Variants in AGBL4 observed in about 807,000 individuals in gnomAD.
The protein encoded by AGBL4 is AGBL carboxypeptidase 4, also known as cytosolic carboxypeptidase 6.
In AGBL4, 58 loss-of-function variants were observed where a neutral mutation model predicts 66.4. The observed-to-expected ratio is 0.87, with a 90% confidence interval of 0.71 to 1.09. The LOEUF is 1.09. Ranked by LOEUF, AGBL4 falls within the 50% of genes least tolerant of loss-of-function variation. The probability of loss-of-function intolerance (pLI) is 0.00; values close to 1 mark genes in which losing one functional copy is unlikely to be tolerated. For synonymous variants in AGBL4, 234 were observed against 222.9 expected, an observed-to-expected ratio of 1.05 and a Z score of -0.44; for missense variants, 579 against 631.0, an observed-to-expected ratio of 0.92 and a Z score of 0.88.
chr1:49,873,334 T>G (rs1557532811), intron 1 of AGBL4, among the ~76,000 whole-genome samples: 1 of 152,024 alleles, frequency 6.6e-6, no homozygotes, highest in African/African-American at 2.4e-5. Flanking sequence ...AGACAAAATC[T>G]GATACCAGAG....
At chr1:49,990,224 A>G (rs779804367) in intron 1 of AGBL4, among the ~76,000 whole-genome samples, 1 of 152,208 alleles carries the variant, frequency 6.6e-6, no homozygotes, top group Non-Finnish European at 1.5e-5. Flanking sequence ...TGTTTTTCAC[A>G]TTTAATATGG....
intron 1 of AGBL4, among the ~76,000 whole-genome samples, chr1:49,881,349 G>A (rs915933757): frequency 7.2e-5 from 11 of 152,098 alleles, no homozygotes; most frequent in African/African-American, 1.5e-4. Flanking sequence ...CCATACATAC[G>A]TGTGCATCTG....
chr1:48,677,446 G>A (rs1239806144), intron 6 of AGBL4, among the ~76,000 whole-genome samples: 1 of 152,102 alleles, frequency 6.6e-6, no homozygotes, highest in East Asian at 1.9e-4. Flanking sequence ...GCTCCTAGGA[G>A]GGTAGGAGAA....
At chr1:49,497,420 A>G (rs75884984) in intron 3 of AGBL4, among the ~76,000 whole-genome samples, 1 of 152,022 alleles carries the variant, frequency 6.6e-6, no homozygotes, top group East Asian at 1.9e-4. Context: ...TTTTGGGGTC[A>G]TATCCAAAAA....
In AGBL4 at chr1:49,111,200, G is replaced by A. The variant is rs1010433985; in HGVS notation, c.378-65400C>T. Among the ~76,000 whole-genome samples, 8 of 148,040 alleles carry A rather than the reference G, an allele frequency of 5.4e-5. No individual in the cohort carries two copies. The South Asian group carries it at 6.3e-4, about 12-fold the overall frequency. Reference sequence around the variant, plus strand: ...GTGATCTCGCCTCACTGCAAGTTTCGCCTCCCAGGTTCACGCCATTCTCCT... The same window carrying A: ...GTGATCTCGCCTCACTGCAAGTTTCACCTCCCAGGTTCACGCCATTCTCCT... On this transcript the variant is annotated intron_variant, in intron 4 of 13. Transcript: ENST00000371839.
At chr1:49,404,295 A>G (rs1645149699) in intron 3 of AGBL4, among the ~76,000 whole-genome samples, 1 of 152,234 alleles carries the variant, frequency 6.6e-6, no homozygotes, top group African/African-American at 2.4e-5. Context: ...GAGAACACAC[A>G]CACAGGAAAG....
At chr1:49,921,158 G>A (rs1652193779) in intron 1 of AGBL4, among the ~76,000 whole-genome samples, 1 of 152,064 alleles carries the variant, frequency 6.6e-6, no homozygotes, top group Non-Finnish European at 1.5e-5. Context: ...GTTAATGGGT[G>A]CAGCACACCA....
chr1:49,459,388 G>A (rs1646461527), intron 3 of AGBL4, among the ~76,000 whole-genome samples: 1 of 151,616 alleles, frequency 6.6e-6, no homozygotes, highest in Non-Finnish European at 1.5e-5. Flanking sequence ...TAGTTTATGT[G>A]CATAAAAGTG....
chr1:49,957,519 C>T (rs4486490), intron 1 of AGBL4, among the ~76,000 whole-genome samples: 46,905 of 150,560 alleles, frequency 0.31, 7,812 homozygotes, highest in East Asian at 0.71. Flanking sequence ...TCTCTAAGGA[C>T]TTGCTTTATG....
At chr1:49,232,880 T>C (rs920135153) in intron 4 of AGBL4, among the ~76,000 whole-genome samples, 3 of 151,298 alleles carry the variant, frequency 2.0e-5, no homozygotes, top group Non-Finnish European at 4.4e-5. Context: ...GAAAAAGCAC[T>C]CAAGCCACTA....
intron 11 of AGBL4, among the ~76,000 whole-genome samples, chr1:48,582,535 C>A (rs1225084376): frequency 6.6e-6 from 1 of 152,120 alleles, no homozygotes; most frequent in Non-Finnish European, 1.5e-5. Flanking sequence ...TTGCTAGTTC[C>A]AAAGCCAGAT....
chr1:48,543,293 C>T (rs997581392), intron 11 of AGBL4, among the ~76,000 whole-genome samples: 4 of 151,880 alleles, frequency 2.6e-5, no homozygotes, highest in Non-Finnish European at 5.9e-5. Flanking sequence ...TGGAGAAGGA[C>T]CATTCTCAGC....
At chr1:49,601,845 T>C (rs1644965387) in intron 3 of AGBL4, among the ~76,000 whole-genome samples, 1 of 151,936 alleles carries the variant, frequency 6.6e-6, no homozygotes, top group Non-Finnish European at 1.5e-5. Context: ...AAGCCAAAAT[T>C]GACAAATGGG....
chr1:49,504,103 G>C (rs565489133), intron 3 of AGBL4, among the ~76,000 whole-genome samples: 1 of 152,166 alleles, frequency 6.6e-6, no homozygotes, highest in African/African-American at 2.4e-5. Context: ...TATGGGGGCG[G>C]TTTCCCCCAT....
chr1:49,573,264 A>G (rs904173768), intron 3 of AGBL4, among the ~76,000 whole-genome samples: 1 of 151,946 alleles, frequency 6.6e-6, no homozygotes, highest in African/African-American at 2.4e-5. Context: ...CTAGAGGAAC[A>G]GAATATTAAG....
intron 3 of AGBL4, among the ~76,000 whole-genome samples, chr1:49,396,273 A>G (rs935646889): frequency 1.3e-5 from 2 of 151,520 alleles, no homozygotes; most frequent in African/African-American, 2.4e-5. Flanking sequence ...GGAAATACGC[A>G]AACATCCCTG....
chr1:48,554,605 A>AT lies in AGBL4; in HGVS notation c.1268-14868dup, dbSNP rs565282641. ...ACCCTCATGGTTCTAACATTTTATG[A>AT]TTTTTTTTTTCTGCTGTGATGTTAC... is the stretch of plus-strand genomic sequence containing the variant. On this transcript the variant is annotated intron_variant, in intron 11 of 13. Coordinates refer to ENST00000371839, the MANE Select transcript of AGBL4 (RefSeq NM_032785.4). Among the ~76,000 whole-genome samples, 63 of 150,240 alleles carry AT rather than the reference A, an allele frequency of 4.2e-4. No individual in the cohort carries two copies. The South Asian group carries it at 8.0e-3, about 19-fold the overall frequency.
At chr1:49,948,309 T>TATATAAAAATATATATAA (rs1655646809) in intron 1 of AGBL4, among the ~76,000 whole-genome samples, 1 of 108,200 alleles carries the variant, frequency 9.2e-6, no homozygotes, top group African/African-American at 3.9e-5. Context: ...TATATATAAA[T>TATATAAAAATATATATAA]ATATATATAA....
intron 3 of AGBL4, among the ~76,000 whole-genome samples, chr1:49,351,812 C>A (rs1643914494): frequency 6.6e-6 from 1 of 152,152 alleles, no homozygotes; most frequent in African/African-American, 2.4e-5. Flanking sequence ...CAAGTTATTT[C>A]TTCTGCCTGA....
Sources: gnomAD v4.1 joint callset for allele counts (sites outside exome capture counted in the v4.1 genomes callset) on GRCh38, gnomAD v4.1.1 for gene constraint, MANE v1.5 for transcripts, NCBI Gene and HGNC (gene_info 2026-07-23, HGNC 2026-07-21) for gene names.